The following LARGE1 variants were observed in gnomAD, a reference collection of about 807,000 sequenced individuals.
LARGE1 encodes the protein LARGE xylosyl- and glucuronyltransferase 1, also known as xylosyl- and glucuronyltransferase LARGE1.
LARGE1 carries 43 observed loss-of-function variants against 87.6 expected under a neutral mutation model. That is an observed-to-expected ratio of 0.49 (90% CI 0.38 to 0.63). The LOEUF is 0.63. Among genes scored for constraint, LARGE1 ranks in the 30% least tolerant of loss-of-function variants. The probability of loss-of-function intolerance (pLI) is 0.00; values close to 1 mark genes in which losing one functional copy is unlikely to be tolerated. For missense variants in LARGE1, 802 were observed against 1,000.2 expected (o/e 0.80, Z 2.67); for synonymous variants, 434 against 394.6 (o/e 1.10, Z -1.18).
intron 9 of LARGE1, among the ~76,000 whole-genome samples, chr22:33,364,714 T>C (rs2146935306): frequency 6.6e-6 from 1 of 152,280 alleles, no homozygotes; most frequent in Non-Finnish European, 1.5e-5. Flanking sequence ...AGTTATAGCA[T>C]ATGTCAGTTT....
chr22:33,072,897 T>C, the LARGE1 span, among the ~76,000 whole-genome samples: 1 of 152,204 alleles, frequency 6.6e-6, no homozygotes, highest in African/African-American at 2.4e-5. Context: ...AACACTGATC[T>C]ATGAAACGCC....
At chr22:33,917,829 T>A (rs746309848) in intron 1 of LARGE1, among the ~76,000 whole-genome samples, 3 of 152,124 alleles carry the variant, frequency 2.0e-5, no homozygotes, top group Non-Finnish European at 2.9e-5. Context: ...ATGTACTAGA[T>A]CCCAAAAAGT....
intron 1 of LARGE1, among the ~76,000 whole-genome samples, chr22:33,872,953 T>C (rs1047979843): frequency 3.3e-5 from 5 of 151,966 alleles, no homozygotes; most frequent in African/African-American, 4.8e-5. Flanking sequence ...TGAACCGAGA[T>C]TGCACCACTG....
intron 2 of LARGE1, among the ~76,000 whole-genome samples, chr22:33,710,040 T>A (rs1170915645): frequency 6.6e-6 from 1 of 151,502 alleles, no homozygotes; most frequent in Admixed American, 6.6e-5. Flanking sequence ...ACTGTCCCTG[T>A]TGTCTATGTT....
chr22:33,515,118 TAAAA>T (rs57550411), intron 6 of LARGE1, among the ~76,000 whole-genome samples: 1 of 134,428 alleles, frequency 7.4e-6, no homozygotes, highest in Admixed American at 7.6e-5. Flanking sequence ...CAGGTGTAGC[TAAAA>T]AAAAAAAAAA....
intron 2 of LARGE1, among the ~76,000 whole-genome samples, chr22:33,685,553 C>A (rs1290589381): frequency 6.6e-6 from 1 of 152,122 alleles, no homozygotes; most frequent in African/African-American, 2.4e-5. Flanking sequence ...AGGTTATGCC[C>A]CCTGTCTGAC....
chr22:33,363,806 T>C (rs2064473939), intron 9 of LARGE1, among the ~76,000 whole-genome samples: 1 of 149,896 alleles, frequency 6.7e-6, no homozygotes, highest in Non-Finnish European at 1.5e-5. Flanking sequence ...AGCATTGCGA[T>C]CCCAGAGAGT....
At chr22:33,167,902 G>A (rs1922357182) in intron 11 of LARGE1, among the ~76,000 whole-genome samples, 2 of 152,134 alleles carry the variant, frequency 1.3e-5, no homozygotes, top group Admixed American at 6.6e-5. Flanking sequence ...AAAACAAATT[G>A]TTGGCACCAG....
At chr22:33,350,083 G>A (rs1022043207) in intron 9 of LARGE1, among the ~76,000 whole-genome samples, 1 of 152,150 alleles carries the variant, frequency 6.6e-6, no homozygotes, top group African/African-American at 2.4e-5. Flanking sequence ...GGGGATAAAA[G>A]GACAACAGGA....
chr22:33,834,610 C>T (rs979440008), intron 1 of LARGE1, among the ~76,000 whole-genome samples: 78 of 152,348 alleles, frequency 5.1e-4, no homozygotes, highest in Admixed American at 1.9e-3. Context: ...AGCCCGCCTG[C>T]ACCCAGGTGA....
At chr22:33,869,779 G>A (rs530914544) in intron 1 of LARGE1, among the ~76,000 whole-genome samples, 1 of 152,132 alleles carries the variant, frequency 6.6e-6, no homozygotes, top group Non-Finnish European at 1.5e-5. Flanking sequence ...GCTGGAAGAC[G>A]TGCCACATCA....
the LARGE1 span, among the ~76,000 whole-genome samples, chr22:33,077,227 C>G: frequency 6.6e-6 from 1 of 151,998 alleles, no homozygotes; most frequent in African/African-American, 2.4e-5. Context: ...TTATTGAGTG[C>G]TTATTATGTA....
chr22:33,359,456 T>C (rs1208488560), intron 9 of LARGE1, among the ~76,000 whole-genome samples: 1 of 152,196 alleles, frequency 6.6e-6, no homozygotes, highest in African/African-American at 2.4e-5. Context: ...TTTTCATCTT[T>C]TGAGGCCCAC....
intron 5 of LARGE1, among the ~76,000 whole-genome samples, chr22:33,590,040 T>C (rs1169098749): frequency 6.6e-6 from 1 of 152,192 alleles, no homozygotes; most frequent in Non-Finnish European, 1.5e-5. Flanking sequence ...ACTGATATTA[T>C]GTTTTAAAAA....
At position 33,316,096 on chromosome 22, in the gene LARGE1, C is replaced by T. The variant is rs758991471; in HGVS notation, c.1440G>A (p.Leu480=). 1.1e-5 allele frequency: 18 copies of T among 1,613,748 alleles called. No individual in the cohort carries two copies. Among genetic ancestry groups the T allele is most frequent in the Non-Finnish European group, 1.4e-5 (16 of 1,179,870 alleles). Residue 480 remains leucine, a synonymous_variant, in exon 11 of 15, where the codon CTG becomes CTA. Coordinates refer to ENST00000397394, the MANE Select transcript of LARGE1 (RefSeq NM_133642.5). ...GCCGTCTGCCATACCTGTCCATGGA[C>T]AGCTGAGCGACCAGGGTGACGTCCG... The part of the protein sequence containing the change: ...DSTDVTLVAQ[L]SMDRLQMLEA...
intron 1 of LARGE1, among the ~76,000 whole-genome samples, chr22:33,872,129 C>T (rs2064308253): frequency 6.6e-6 from 1 of 151,990 alleles, no homozygotes; most frequent in Non-Finnish European, 1.5e-5. Flanking sequence ...CAGCCAGTCA[C>T]TCGCCCACCC....
chr22:33,248,967 A>C (rs554320346), intron 11 of LARGE1, among the ~76,000 whole-genome samples: 4 of 152,362 alleles, frequency 2.6e-5, no homozygotes, highest in South Asian at 4.1e-4. Context: ...ACTGAAGGAT[A>C]TCTTGGTTGC....
At chr22:33,878,409 A>C (rs1015507478) in intron 1 of LARGE1, among the ~76,000 whole-genome samples, 2 of 152,042 alleles carry the variant, frequency 1.3e-5, no homozygotes, top group African/African-American at 4.8e-5. Flanking sequence ...GATTACAGGC[A>C]TGAGCCACCA....
the LARGE1 span, among the ~76,000 whole-genome samples, chr22:33,139,212 T>C: frequency 6.6e-6 from 1 of 152,230 alleles, no homozygotes; most frequent in Non-Finnish European, 1.5e-5. Flanking sequence ...GAAAACAGAC[T>C]AATACAGGTG....
Sources: allele counts gnomAD v4.1 joint callset (sites outside exome capture counted in the v4.1 genomes callset), GRCh38; gene constraint gnomAD v4.1.1; transcripts MANE v1.5; gene names NCBI Gene and HGNC (gene_info 2026-07-23, HGNC 2026-07-21).